Variants in SAR1A observed in about 807,000 individuals in gnomAD.
The protein encoded by SAR1A is secretion associated Ras related GTPase 1A.
A neutral mutation model predicts 22.6 loss-of-function variants in SAR1A; 6 were observed. The ratio of observed to expected loss-of-function variants is 0.27; its 90% CI spans 0.15 to 0.52. The LOEUF (loss-of-function observed/expected upper bound fraction) is 0.52, where lower values mean the gene tolerates loss of function less well. Ranked by LOEUF, SAR1A falls within the 20% of genes least tolerant of loss-of-function variation. The pLI is 0.96. For synonymous variants in SAR1A, 70 were observed against 82.2 expected, an observed-to-expected ratio of 0.85 and a Z score of 0.80; for missense variants, 145 against 245.1, an observed-to-expected ratio of 0.59 and a Z score of 2.73.
chr10:70,168,079 A>T (rs976740513), intron 1 of SAR1A, among the ~76,000 whole-genome samples: 5 of 152,202 alleles, frequency 3.3e-5, no homozygotes, highest in Non-Finnish European at 5.9e-5. Context: ...GCTCACCTTT[A>T]GAGCACACCC....
At chr10:70,160,937 TA>T in intron 4 of SAR1A, 66 bp downstream of exon 4, 1 of 1,039,228 alleles carries the variant, frequency 9.6e-7, no homozygotes, top group Non-Finnish European at 1.4e-6. Flanking sequence ...ACACTGCTTT[TA>T]AAAGGAGCTG....
chr10:70,166,176 T>A (rs1839547659), intron 1 of SAR1A, among the ~76,000 whole-genome samples: 1 of 152,244 alleles, frequency 6.6e-6, no homozygotes, highest in Admixed American at 6.5e-5. Context: ...AAAATATTCG[T>A]GTTACTTGCT....
chr10:70,159,191 C>T (rs1015552359), intron 4 of SAR1A, among the ~76,000 whole-genome samples: 1 of 152,062 alleles, frequency 6.6e-6, no homozygotes, highest in Non-Finnish European at 1.5e-5. Flanking sequence ...AAAACACACC[C>T]CTTGTCAATA....
rs189263256 is a variant in SAR1A at position 70,169,867 on chromosome 10, G to A, written c.-17+546C>T. Among the ~76,000 whole-genome samples, 98 of 152,310 alleles carry A rather than the reference G, an allele frequency of 6.4e-4. 1 individual carries two copies. The East Asian group carries it at 0.012, about 19-fold the overall frequency. On this transcript the variant is annotated intron_variant, in intron 1 of 6. Transcript: ENST00000373241. ...TTTTTCCATGCAGAGACCAGACAGG[G>A]GAAAAGGGGAAGGGAGAAGGAGAAA...
chr10:70,157,954 T>C (rs968859686), intron 4 of SAR1A, 87 bp from the exon 5 acceptor site: 2 of 907,700 alleles, frequency 2.2e-6, no homozygotes, highest in African/African-American at 1.7e-5. Context: ...GGACAAATCT[T>C]GGTCGGGTTT....
chr10:70,160,686 T>A (rs1383106809), intron 4 of SAR1A, among the ~76,000 whole-genome samples: 2 of 152,182 alleles, frequency 1.3e-5, no homozygotes, highest in African/African-American at 4.8e-5. Context: ...AAATTTTCAG[T>A]CAAGATTTGA....
At chr10:70,155,236 A>G in intron 5 of SAR1A, 1 of 415,986 alleles carries the variant, frequency 2.4e-6, no homozygotes, top group Admixed American at 2.8e-5. Context: ...GATCTAGCTT[A>G]AGGTAGAGCA....
rs1839326823 is a variant in SAR1A, at chr10:70,151,482, A to T, written c.*994T>A. 1 of 152,304 alleles carries T rather than the reference A, an allele frequency of 6.6e-6. No homozygotes were observed. Among genetic ancestry groups the T allele is most frequent in the African/African-American group, 2.4e-5 (1 of 41,434 alleles). The allele number at this position is 152,304 out of a possible 1,614,324, so 9.4% of individuals were successfully genotyped here. A position where few individuals can be genotyped will look rare whatever the true frequency, so the allele number is the denominator to read the frequency against. ...TACTTTTAAGTCCTCAACTCACAGA[A>T]TTAAGAGCCCTTAAGCTGTTAACTT... is the stretch of plus-strand genomic sequence containing the variant. On this transcript the variant is annotated 3_prime_UTR_variant, in exon 7 of 7. Transcript: ENST00000373241.
In SAR1A at chr10:70,149,676, C is replaced by G. The variant is rs1839304864; in HGVS notation, c.*2800G>C. 6.6e-6 allele frequency: 1 copy of G among 150,490 alleles called. No individual in the cohort carries two copies. The allele number at this position is 150,490 out of a possible 1,614,324, so 9.3% of individuals were successfully genotyped here. On this transcript the variant is annotated 3_prime_UTR_variant, in exon 7 of 7. Transcript: ENST00000373241. Reference sequence around the variant, plus strand: ...TTCAAGCGATTCTCCGCCTCAGCCTCCAGAGTAGCTGGGAGCTACTCCATG... The same window carrying G: ...TTCAAGCGATTCTCCGCCTCAGCCTGCAGAGTAGCTGGGAGCTACTCCATG...
intron 4 of SAR1A, among the ~76,000 whole-genome samples, chr10:70,160,380 AAAG>A (rs1270564854): frequency 1.9e-4 from 29 of 152,172 alleles, no homozygotes; most frequent in African/African-American, 7.0e-4. Context: ...TGTATTATAT[AAAG>A]AAGAGGCACT....
chr10:70,158,370 T>C (rs1839421377), intron 4 of SAR1A, among the ~76,000 whole-genome samples: 3 of 152,240 alleles, frequency 2.0e-5, no homozygotes, highest in Non-Finnish European at 2.9e-5. Context: ...AACTTGTGTG[T>C]AGGCGTCTTG....
rs1839461153 is a variant in SAR1A, at chr10:70,160,986, CA to C, written c.244+17del. ...AAAATAAGTCAATAAACATGCTTTC[CA>C]CTGAGTCATCACTTACCTTGCTCGT... On this transcript the variant is annotated intron_variant, in intron 4 of 6. Transcript: ENST00000373241. 1 of 1,594,984 alleles carries C rather than the reference CA, an allele frequency of 6.3e-7. No homozygotes were observed. The highest frequency in any genetic ancestry group is 8.6e-7 in the Non-Finnish European group (1 of 1,167,632).
chr10:70,161,925 TTAC>T lies in SAR1A; in HGVS notation c.-13_-11del, dbSNP rs1839472503. On this transcript the variant is annotated 5_prime_UTR_variant, in exon 2 of 7. Transcript: ENST00000373241. ...CAAAGATGAAAGACATTATTAATGC[TTAC>T]TACCTGTATAAAATATGAAAGTAGC... The T allele has an allele frequency of 3.1e-6, 5 of 1,603,936 alleles. No homozygotes were observed. The African/African-American group carries it at 5.4e-5, about 17-fold the overall frequency.
At chr10:70,164,516 C>T (rs780079884) in intron 1 of SAR1A, among the ~76,000 whole-genome samples, 4 of 152,184 alleles carry the variant, frequency 2.6e-5, no homozygotes, top group Non-Finnish European at 4.4e-5. Context: ...ACAATATGTA[C>T]TTAAAAGTTG....
At chr10:70,155,430 T>C (rs1328495986) in intron 5 of SAR1A, among the ~76,000 whole-genome samples, 1 of 152,198 alleles carries the variant, frequency 6.6e-6, no homozygotes, top group Non-Finnish European at 1.5e-5. Flanking sequence ...TAAAGAGGAA[T>C]GTACTTTGAC....
intron 4 of SAR1A, 63 bp from the exon 5 acceptor site, chr10:70,157,930 A>C: frequency 1.8e-6 from 2 of 1,090,938 alleles, no homozygotes; most frequent in Non-Finnish European, 2.8e-6. Flanking sequence ...GAATAACCTA[A>C]TGGTCTATAA....
rs1205795338 is a variant in SAR1A, at chr10:70,170,309, C to T, written c.-17+104G>A. 5.0e-5 allele frequency: 6 copies of T among 119,558 alleles called. 1 individual carries two copies. The highest frequency in any genetic ancestry group is 1.6e-4 in the African/African-American group (4 of 24,698). 7.4% of individuals were successfully genotyped at this position (119,558 alleles called of 1,614,324 possible). On this transcript the variant is annotated intron_variant, in intron 1 of 6. Transcript: ENST00000373241. ...CAGAACCGCCTGCGTGTCACTTCCC[C>T]CCCACCCAACCCCGCCAGGGCCAGC...
In SAR1A at chr10:70,149,124, G is replaced by C. The variant is rs1240405415; in HGVS notation, c.*3352C>G. 6.6e-6 allele frequency: 1 copy of C among 152,424 alleles called. No individual in the cohort carries two copies. Among genetic ancestry groups the C allele is most frequent in the Admixed American group, 6.5e-5 (1 of 15,278 alleles). 9.4% of individuals were successfully genotyped at this position (152,424 alleles called of 1,614,324 possible). A position where few individuals can be genotyped will look rare whatever the true frequency, so the allele number is the denominator to read the frequency against. On this transcript the variant is annotated 3_prime_UTR_variant, in exon 7 of 7. Coordinates refer to ENST00000373241, the MANE Select transcript of SAR1A (RefSeq NM_020150.5). Reference sequence around the variant, plus strand: ...TTTGAGATGGGAGTCACCCAGGCTGGAGTGCAGTGGCGCGATCTCGGCTCA... The same window carrying C: ...TTTGAGATGGGAGTCACCCAGGCTGCAGTGCAGTGGCGCGATCTCGGCTCA...
At position 70,149,911 on chromosome 10, in the gene SAR1A, A is replaced by T. The variant is rs943058128; in HGVS notation, c.*2565T>A. 1.3e-5 allele frequency: 2 copies of T among 152,188 alleles called. No homozygotes were observed. The highest frequency in any genetic ancestry group is 2.9e-5 in the Non-Finnish European group (2 of 68,040). 9.4% of individuals were successfully genotyped at this position (152,188 alleles called of 1,614,324 possible). A position where few individuals can be genotyped will look rare whatever the true frequency, so the allele number is the denominator to read the frequency against. ...AGCTAAACTAGAACTAGTCCTTGCT[A>T]GCATGTTAATATAGATTTTGCTCAA... On this transcript the variant is annotated 3_prime_UTR_variant, in exon 7 of 7. Coordinates refer to ENST00000373241, the MANE Select transcript of SAR1A (RefSeq NM_020150.5).
Sources: gnomAD v4.1 joint callset for allele counts (sites outside exome capture counted in the v4.1 genomes callset) on GRCh38, gnomAD v4.1.1 for gene constraint, MANE v1.5 for transcripts, NCBI Gene and HGNC (gene_info 2026-07-23, HGNC 2026-07-21) for gene names.